Variants in TRAP1 observed in about 807,000 individuals in gnomAD.
TRAP1 encodes the protein TNF receptor associated protein 1, also known as heat shock protein 75 kDa, mitochondrial.
A neutral mutation model predicts 89.1 loss-of-function variants in TRAP1; 102 were observed. That is an observed-to-expected ratio of 1.15 (90% CI 0.98 to 1.35). The LOEUF (loss-of-function observed/expected upper bound fraction) is 1.35. Among genes scored for constraint, TRAP1 ranks in the 40% most tolerant of loss-of-function variants. The pLI is 0.00. For synonymous variants in TRAP1, 508 were observed against 388.0 expected (o/e 1.31, Z -3.64); for missense variants, 1,256 against 945.3 (o/e 1.33, Z -4.31).
chr16:3,688,928 G>C (rs2051174272), intron 3 of TRAP1, 127 bp downstream of exon 3: 1 of 777,704 alleles, frequency 1.3e-6, no homozygotes, highest in Non-Finnish European at 2.0e-6. Flanking sequence ...TTAAGATGAG[G>C]ACCTGTCCAA....
chr16:3,699,852 T>G (rs1029576826), intron 1 of TRAP1, among the ~76,000 whole-genome samples: 1 of 151,390 alleles, frequency 6.6e-6, no homozygotes, highest in Non-Finnish European at 1.5e-5. Context: ...TTTTTTTTTT[T>G]TTCCTAGAGA....
At chr16:3,708,122 C>T (rs1400646097) in intron 1 of TRAP1, among the ~76,000 whole-genome samples, 1 of 151,844 alleles carries the variant, frequency 6.6e-6, no homozygotes. Flanking sequence ...CACTTGAGTC[C>T]AGGAGGTCAG....
In TRAP1 at chr16:3,717,123, A is replaced by C. The variant is rs937443525; in HGVS notation, c.88+298T>G. Among the ~76,000 whole-genome samples the C allele has an allele frequency of 3.3e-5, 5 of 152,172 alleles. No homozygotes were observed. The South Asian group carries it at 8.3e-4, about 25-fold the overall frequency. ...GCACGTGCGCTACCTGACTGGACCG[A>C]AGCTCCAGGAGGGACGACCCCGCAG... On this transcript the variant is annotated intron_variant, in intron 1 of 17. Coordinates refer to ENST00000246957, the MANE Select transcript of TRAP1 (RefSeq NM_016292.3).
At position 3,675,015 on chromosome 16, in the gene TRAP1, T is replaced by C. The variant is rs2050969586; in HGVS notation, c.888+309A>G. Reference sequence around the variant, plus strand: ...GGGTGATGGGATGTTCTGGAATTGATGCGGGGTGGCTGCACAGCTCTGTGG... The same window carrying C: ...GGGTGATGGGATGTTCTGGAATTGACGCGGGGTGGCTGCACAGCTCTGTGG... On this transcript the variant is annotated intron_variant, in intron 8 of 17. Coordinates refer to ENST00000246957, the MANE Select transcript of TRAP1 (RefSeq NM_016292.3). The C allele has an allele frequency of 1.6e-5, 6 of 383,726 alleles. No individual in the cohort carries two copies. The East Asian group carries it at 3.1e-4, about 20-fold the overall frequency. The allele number at this position is 383,726 out of a possible 1,614,324, so 23.8% of individuals were successfully genotyped here.
At chr16:3,672,567 A>T in intron 10 of TRAP1, 133 bp downstream of exon 10, 2 of 1,378,114 alleles carry the variant, frequency 1.5e-6, no homozygotes. Flanking sequence ...CGACTGACAC[A>T]CAGGCAGCGC....
chr16:3,692,110 A>G (rs1439505737), intron 1 of TRAP1, among the ~76,000 whole-genome samples: 1 of 152,232 alleles, frequency 6.6e-6, no homozygotes, highest in Non-Finnish European at 1.5e-5. Flanking sequence ...ATATGTGGCC[A>G]GCCAGCCACG....
intron 11 of TRAP1, among the ~76,000 whole-genome samples, chr16:3,668,729 C>T (rs1235945145): frequency 6.6e-6 from 1 of 152,194 alleles, no homozygotes. Context: ...AGCATGCCTG[C>T]CACAGCCAGG....
At chr16:3,683,444 G>T (rs1354149119) in intron 4 of TRAP1, among the ~76,000 whole-genome samples, 1 of 147,884 alleles carries the variant, frequency 6.8e-6, no homozygotes, top group Non-Finnish European at 1.5e-5. Context: ...AGAGTGCAAT[G>T]GCGCGATCTC....
At chr16:3,662,187 G>A in intron 15 of TRAP1, 55 bp from the exon 16 acceptor site, 4 of 1,573,804 alleles carry the variant, frequency 2.5e-6, no homozygotes, top group South Asian at 1.2e-5. Context: ...TGAGAGGGCT[G>A]GCAGGATCTT....
At chr16:3,677,781 C>G in intron 5 of TRAP1, 123 bp from the exon 6 acceptor site, 7 of 1,143,396 alleles carry the variant, frequency 6.1e-6, no homozygotes, top group Non-Finnish European at 8.5e-6. Flanking sequence ...ACACCGAGTA[C>G]TTTTCCACCC....
chr16:3,659,682 A>G (rs1217184090), intron 16 of TRAP1: 1 of 152,128 alleles, frequency 6.6e-6, no homozygotes, highest in Non-Finnish European at 1.5e-5. Context: ...GGAAAACCAC[A>G]TGTGGATGAT....
At chr16:3,659,926 T>C (rs1274680108) in intron 16 of TRAP1, 2 of 152,038 alleles carry the variant, frequency 1.3e-5, no homozygotes, top group Admixed American at 1.3e-4. Flanking sequence ...GTTTTTGTAT[T>C]TTTAGTAGAG....
At chr16:3,715,081 G>A (rs767257377) in intron 1 of TRAP1, among the ~76,000 whole-genome samples, 1 of 152,230 alleles carries the variant, frequency 6.6e-6, no homozygotes, top group Non-Finnish European at 1.5e-5. Flanking sequence ...GACTCAGGCA[G>A]AGGAATGCTT....
intron 16 of TRAP1, 115 bp downstream of exon 16, chr16:3,661,872 C>T: frequency 7.5e-7 from 1 of 1,338,340 alleles, no homozygotes. Context: ...TAGTTACCCA[C>T]ATGTCCACAG....
chr16:3,667,990 G>C (rs563304580), intron 11 of TRAP1, among the ~76,000 whole-genome samples: 1 of 146,226 alleles, frequency 6.8e-6, no homozygotes, highest in Non-Finnish European at 1.5e-5. Context: ...GTGCAGTGGC[G>C]TGATTTTGGC....
At chr16:3,659,080 G>A in intron 16 of TRAP1, 1 of 542,118 alleles carries the variant, frequency 1.8e-6, no homozygotes, top group South Asian at 2.6e-5. Flanking sequence ...ATGCTGTAAG[G>A]TAGCCAAACT....
chr16:3,667,757 ATTT>A (rs745741003), intron 11 of TRAP1, among the ~76,000 whole-genome samples: 1 of 117,734 alleles, frequency 8.5e-6, no homozygotes. Flanking sequence ...TAACACATCA[ATTT>A]TTTTTTTTTT....
At chr16:3,678,111 C>G (rs2051024138) in intron 5 of TRAP1, 1 of 158,384 alleles carries the variant, frequency 6.3e-6, no homozygotes, top group Admixed American at 6.1e-5. Context: ...CGTCTGTAAG[C>G]ACCGCACAGC....
rs71133652 is a variant in TRAP1 at position 3,710,879 on chromosome 16, A to ATATATTTTTTT, written c.88+6541_88+6542insAAAAAAATATA. Among the ~76,000 whole-genome samples the ATATATTTTTTT allele has an allele frequency of 2.2e-3, 279 of 125,742 alleles. 3 individuals are homozygous for ATATATTTTTTT. The East Asian group carries it at 0.024, about 11-fold the overall frequency. 82.5% of individuals were successfully genotyped at this position (125,742 alleles called of 152,430 possible). On this transcript the variant is annotated intron_variant, in intron 1 of 17. Transcript: ENST00000246957. ...TGTGTATATATATATATATATATAT[A>ATATATTTTTTT]TTTTTTTTTTTGAGACACTGTCACT... is the stretch of plus-strand genomic sequence containing the variant.
Sources: gnomAD v4.1 joint callset for allele counts (sites outside exome capture counted in the v4.1 genomes callset) on GRCh38, gnomAD v4.1.1 for gene constraint, MANE v1.5 for transcripts, NCBI Gene and HGNC (gene_info 2026-07-23, HGNC 2026-07-21) for gene names.